ADAM32: variants seen among roughly 807,000 people sequenced by gnomAD.
ADAM32 encodes the protein disintegrin and metalloproteinase domain-containing protein 32.
A neutral mutation model predicts 114.9 loss-of-function variants in ADAM32; 89 were observed. The ratio of observed to expected loss-of-function variants is 0.77; its 90% CI spans 0.65 to 0.92. The LOEUF (loss-of-function observed/expected upper bound fraction) is 0.92. Ranked by LOEUF, ADAM32 falls within the 40% of genes least tolerant of loss-of-function variation. The probability of loss-of-function intolerance (pLI) is 0.00; values close to 1 mark genes in which losing one functional copy is unlikely to be tolerated. For synonymous variants in ADAM32, 285 were observed against 307.5 expected, an observed-to-expected ratio of 0.93 and a Z score of 0.77; for missense variants, 870 against 932.8, an observed-to-expected ratio of 0.93 and a Z score of 0.88.
chr8:39,241,730 C>T (rs1362456306), intron 16 of ADAM32, among the ~76,000 whole-genome samples: 3 of 152,208 alleles, frequency 2.0e-5, no homozygotes, highest in African/African-American at 7.2e-5. Flanking sequence ...TCATTTTTTC[C>T]CTCCTAAACC....
chr8:39,131,844 G>T (rs1588487415), intron 2 of ADAM32, among the ~76,000 whole-genome samples: 1 of 152,034 alleles, frequency 6.6e-6, no homozygotes, highest in South Asian at 2.1e-4. Flanking sequence ...ACCTATTTGT[G>T]TATTGAATCT....
intron 3 of ADAM32, among the ~76,000 whole-genome samples, 188 bp downstream of exon 3, chr8:39,136,906 G>C (rs1344446123): frequency 6.6e-6 from 1 of 152,076 alleles, no homozygotes; most frequent in African/African-American, 2.4e-5. Flanking sequence ...TTGGTAAATG[G>C]GAGTTAGGAC....
chr8:39,154,033 C>CATATATAT (rs59934573), intron 6 of ADAM32, among the ~76,000 whole-genome samples: 68,591 of 139,214 alleles, frequency 0.49, 17,355 homozygotes, highest in East Asian at 0.66. Flanking sequence ...GAAAGTTCCT[C>CATATATAT]ATATATATAT....
rs372433561 is a variant in ADAM32 at position 39,118,112 on chromosome 8, G to A, written c.85G>A (p.Val29Ile). Residue 29 changes from valine to isoleucine, a missense_variant, in exon 2 of 25, where the codon GTA becomes ATA. By Grantham distance (29) the Val-to-Ile change is conservative (BLOSUM62 3). Coordinates refer to ENST00000379907, the MANE Select transcript of ADAM32 (RefSeq NM_145004.7). ...PGFQNSLLQIVIPEKIQTNTN... is the reference protein window; with the variant it reads ...PGFQNSLLQIIIPEKIQTNTN... Reference sequence around the variant, plus strand: ...TTTTCAAAATTCACTTCTACAGATCGTAATTCCAGAGAAAATCCAAACAAA... The same window carrying A: ...TTTTCAAAATTCACTTCTACAGATCATAATTCCAGAGAAAATCCAAACAAA... The A allele has an allele frequency of 4.7e-5, 69 of 1,476,956 alleles. 1 individual carries two copies. In the South Asian group the frequency reaches 7.8e-4, roughly 17 times the overall value. The allele number at this position is 1,476,956 out of a possible 1,614,324, so 91.5% of individuals were successfully genotyped here.
intron 10 of ADAM32, among the ~76,000 whole-genome samples, chr8:39,174,880 C>T (rs894674795): frequency 6.6e-6 from 1 of 152,054 alleles, no homozygotes; most frequent in African/African-American, 2.4e-5. Context: ...ATTTGTAGTA[C>T]TCCTTGAAGA....
At chr8:39,197,322 T>C (rs937758812) in intron 11 of ADAM32, among the ~76,000 whole-genome samples, 2 of 152,026 alleles carry the variant, frequency 1.3e-5, no homozygotes, top group Admixed American at 6.5e-5. Flanking sequence ...TTTTAGGTTC[T>C]ATTTCATTTA....
chr8:39,212,480 T>C (rs1471935324), intron 12 of ADAM32, among the ~76,000 whole-genome samples: 4 of 152,206 alleles, frequency 2.6e-5, no homozygotes, highest in Non-Finnish European at 5.9e-5. Flanking sequence ...ATATTTGCAG[T>C]CATTTCTACC....
chr8:39,194,886 C>T (rs1335121656), intron 11 of ADAM32, among the ~76,000 whole-genome samples: 1 of 151,542 alleles, frequency 6.6e-6, no homozygotes, highest in African/African-American at 2.4e-5. Context: ...AACCTCTGGG[C>T]TCTACACCGG....
At chr8:39,237,727 G>A (rs1362421193) in intron 16 of ADAM32, among the ~76,000 whole-genome samples, 3 of 150,708 alleles carry the variant, frequency 2.0e-5, no homozygotes, top group East Asian at 3.9e-4. Context: ...GCCATAGCAA[G>A]CCCTACCCAA....
chr8:39,145,410 T>G (rs937170330), intron 3 of ADAM32, among the ~76,000 whole-genome samples: 3 of 152,198 alleles, frequency 2.0e-5, no homozygotes, highest in African/African-American at 7.2e-5. Flanking sequence ...GCTATAATAC[T>G]AAAAGCAACC....
intron 3 of ADAM32, among the ~76,000 whole-genome samples, chr8:39,140,522 A>G (rs775627222): frequency 2.6e-4 from 40 of 152,174 alleles, no homozygotes; most frequent in Non-Finnish European, 4.9e-4. Flanking sequence ...CGTGGTGAAT[A>G]AGCTTTTTGA....
At chr8:39,205,770 A>G (rs551830466) in intron 11 of ADAM32, among the ~76,000 whole-genome samples, 1 of 152,292 alleles carries the variant, frequency 6.6e-6, no homozygotes, top group South Asian at 2.1e-4. Flanking sequence ...GAACCTCCTT[A>G]AAATTATATT....
rs1277597102 is a variant in ADAM32 at position 39,107,985 on chromosome 8, A to G, written c.58+152A>G. On this transcript the variant is annotated intron_variant, in intron 1 of 24. Coordinates refer to ENST00000379907, the MANE Select transcript of ADAM32 (RefSeq NM_145004.7). ...CCAGGGGATTAGGCGCCCCGTCCGGATGGAGAAGCGACTCAGGGCCCAGCA... is the reference window on the plus strand; with the variant it reads ...CCAGGGGATTAGGCGCCCCGTCCGGGTGGAGAAGCGACTCAGGGCCCAGCA... 9 of 1,059,784 alleles carry G rather than the reference A, an allele frequency of 8.5e-6. No individual in the cohort carries two copies. In the East Asian group the frequency reaches 2.1e-4, roughly 24 times the overall value. 65.6% of individuals were successfully genotyped at this position (1,059,784 alleles called of 1,614,324 possible). A position where few individuals can be genotyped will look rare whatever the true frequency, so the allele number is the denominator to read the frequency against.
chr8:39,248,706 T>C (rs1269629067), intron 17 of ADAM32, among the ~76,000 whole-genome samples: 1 of 152,160 alleles, frequency 6.6e-6, no homozygotes, highest in Non-Finnish European at 1.5e-5. Flanking sequence ...TAGAACTTCC[T>C]GTATGATACT....
At chr8:39,213,669 A>G (rs1808374271) in intron 12 of ADAM32, among the ~76,000 whole-genome samples, 1 of 152,182 alleles carries the variant, frequency 6.6e-6, no homozygotes, top group Admixed American at 6.5e-5. Flanking sequence ...TTTTTGTGTT[A>G]CAAACAATCC....
At chr8:39,124,706 C>T (rs1017786281) in intron 2 of ADAM32, among the ~76,000 whole-genome samples, 5 of 152,148 alleles carry the variant, frequency 3.3e-5, no homozygotes, top group African/African-American at 7.2e-5. Context: ...TAAGCCACCG[C>T]GCCCAGCCAA....
At chr8:39,157,971 G>T in intron 6 of ADAM32, 1 of 321,970 alleles carries the variant, frequency 3.1e-6, no homozygotes, top group South Asian at 3.6e-5. Flanking sequence ...CCCCAATATA[G>T]GCAACCTTCC....
At chr8:39,264,842 A>G (rs1312796247) in intron 19 of ADAM32, among the ~76,000 whole-genome samples, 1 of 152,054 alleles carries the variant, frequency 6.6e-6, no homozygotes, top group Admixed American at 6.5e-5. Flanking sequence ...TTTAATTTCT[A>G]CGTGATTGTA....
At chr8:39,179,591 G>A (rs1174719121) in intron 10 of ADAM32, among the ~76,000 whole-genome samples, 1 of 152,142 alleles carries the variant, frequency 6.6e-6, no homozygotes, top group African/African-American at 2.4e-5. Context: ...GGCTCATGAG[G>A]GGATCTCCTG....
Sources: gnomAD v4.1 joint callset for allele counts (sites outside exome capture counted in the v4.1 genomes callset) on GRCh38, gnomAD v4.1.1 for gene constraint, MANE v1.5 for transcripts, NCBI Gene and HGNC (gene_info 2026-07-23, HGNC 2026-07-21) for gene names.